The following RABGAP1L variants were observed in gnomAD, a reference collection of about 807,000 sequenced individuals.
RABGAP1L encodes the protein rab GTPase-activating protein 1-like.
A neutral mutation model predicts 137.7 loss-of-function variants in RABGAP1L; 63 were observed. The ratio of observed to expected loss-of-function variants is 0.46; its 90% CI spans 0.37 to 0.56. The LOEUF is 0.56. RABGAP1L is among the 20% of genes least tolerant of loss of function. RABGAP1L has a pLI of 0.00. For missense variants in RABGAP1L, 1,095 were observed against 1,244.0 expected, an observed-to-expected ratio of 0.88 and a Z score of 1.80; for synonymous variants, 431 against 433.7, an observed-to-expected ratio of 0.99 and a Z score of 0.08.
intron 13 of RABGAP1L, among the ~76,000 whole-genome samples, chr1:174,524,475 C>T (rs538956007): frequency 5.9e-5 from 9 of 152,090 alleles, no homozygotes; most frequent in African/African-American, 1.9e-4. Context: ...CTATTTGTGT[C>T]ATTTGCCCAC....
intron 13 of RABGAP1L, among the ~76,000 whole-genome samples, chr1:174,525,379 T>C (rs1293803763): frequency 2.0e-5 from 3 of 152,182 alleles, no homozygotes; most frequent in Non-Finnish European, 4.4e-5. Context: ...AATGTATTCC[T>C]AAGTATTTTA....
At chr1:174,275,726 C>A in intron 8 of RABGAP1L, 107 bp from the exon 9 acceptor site, 1 of 719,616 alleles carries the variant, frequency 1.4e-6, no homozygotes, top group Non-Finnish European at 2.2e-6. Flanking sequence ...TCCTGCTTGA[C>A]TGTTAATCTA....
intron 14 of RABGAP1L, among the ~76,000 whole-genome samples, chr1:174,656,311 A>T (rs1030256058): frequency 1.3e-5 from 2 of 152,120 alleles, no homozygotes; most frequent in Admixed American, 6.5e-5. Context: ...TACAAAAATT[A>T]TCCAGGCATA....
At chr1:174,377,794 T>A (rs1685691691) in intron 12 of RABGAP1L, among the ~76,000 whole-genome samples, 1 of 151,680 alleles carries the variant, frequency 6.6e-6, no homozygotes, top group South Asian at 2.1e-4. Flanking sequence ...TATTATTATT[T>A]TTTATTATAC....
chr1:174,758,362 CT>C (rs1464962030), intron 18 of RABGAP1L, among the ~76,000 whole-genome samples: 1 of 151,968 alleles, frequency 6.6e-6, no homozygotes, highest in Non-Finnish European at 1.5e-5. Flanking sequence ...TTGCTTCTCC[CT>C]TGTTGATCTT....
At chr1:174,457,986 G>A (rs1008666463) in intron 13 of RABGAP1L, among the ~76,000 whole-genome samples, 2 of 152,082 alleles carry the variant, frequency 1.3e-5, no homozygotes, top group South Asian at 2.1e-4. Flanking sequence ...TTTCATTTAA[G>A]TATTTATCAG....
intron 18 of RABGAP1L, 109 bp from the exon 19 acceptor site, chr1:174,811,723 A>T (rs1456266723): frequency 8.9e-7 from 1 of 1,125,514 alleles, no homozygotes; most frequent in Non-Finnish European, 1.2e-6. Flanking sequence ...GAACTAACTT[A>T]GATCTTAGCT....
chr1:174,337,932 GT>G (rs1681623084), intron 11 of RABGAP1L, among the ~76,000 whole-genome samples: 1 of 152,148 alleles, frequency 6.6e-6, no homozygotes, highest in Admixed American at 6.6e-5. Flanking sequence ...GGAATAAACA[GT>G]TTAAATCATT....
At chr1:174,391,472 A>G (rs1230155668) in intron 12 of RABGAP1L, among the ~76,000 whole-genome samples, 1 of 151,794 alleles carries the variant, frequency 6.6e-6, no homozygotes, top group Non-Finnish European at 1.5e-5. Flanking sequence ...ACATGCCACC[A>G]TGGCCGGCTA....
intron 6 of RABGAP1L, 64 bp downstream of exon 6, chr1:174,250,696 A>G: frequency 1.4e-6 from 2 of 1,447,176 alleles, no homozygotes; most frequent in Non-Finnish European, 1.9e-6. Flanking sequence ...GCGCATATAA[A>G]GTTTCAAGAA....
chr1:174,894,745 GT>G (rs1387067018), intron 19 of RABGAP1L, among the ~76,000 whole-genome samples: 2 of 67,942 alleles, frequency 2.9e-5, no homozygotes, highest in African/African-American at 4.3e-4. Context: ...TTGTTTGTTT[GT>G]TTTGTTTTGT....
intron 1 of RABGAP1L, among the ~76,000 whole-genome samples, chr1:174,173,315 A>C (rs2148244874): frequency 6.6e-6 from 1 of 151,868 alleles, no homozygotes; most frequent in South Asian, 2.1e-4. Context: ...TTTTTAGTAG[A>C]GATGGCGTTT....
intron 19 of RABGAP1L, among the ~76,000 whole-genome samples, chr1:174,819,072 A>C (rs1020019044): frequency 4.0e-5 from 6 of 149,964 alleles, no homozygotes; most frequent in African/African-American, 1.5e-4. Flanking sequence ...AGTCCTAGCT[A>C]CTTGATTGGC....
chr1:174,725,726 G>C (rs991686955), intron 17 of RABGAP1L, among the ~76,000 whole-genome samples: 1 of 152,024 alleles, frequency 6.6e-6, no homozygotes, highest in East Asian at 1.9e-4. Context: ...GGAAGGGCTC[G>C]TTTATACTGT....
intron 13 of RABGAP1L, among the ~76,000 whole-genome samples, chr1:174,585,777 G>A (rs1343476521): frequency 1.3e-5 from 2 of 152,204 alleles, no homozygotes; most frequent in African/African-American, 2.4e-5. Flanking sequence ...AGCCTTGGGA[G>A]CTATACTCCT....
rs994975026 is a variant in RABGAP1L at position 174,433,129 on chromosome 1, G to A, written c.1710+38984G>A. Among the ~76,000 whole-genome samples the A allele has an allele frequency of 1.1e-4, 17 of 152,232 alleles. No homozygotes were observed. The East Asian group carries it at 3.3e-3, about 29-fold the overall frequency. On this transcript the variant is annotated intron_variant, in intron 13 of 25. Transcript: ENST00000681986. ...TATTATCTCCATTTTAAAGATAGAA[G>A]CTGAGATACATGGAGAGAAAGATAT...
At chr1:174,955,938 T>A (rs1236070199) in intron 19 of RABGAP1L, among the ~76,000 whole-genome samples, 2 of 151,994 alleles carry the variant, frequency 1.3e-5, no homozygotes, top group Non-Finnish European at 2.9e-5. Context: ...AATAAAATAA[T>A]ATAAGTAAGG....
intron 13 of RABGAP1L, chr1:174,449,057 A>G: frequency 1.2e-6 from 2 of 1,614,080 alleles, no homozygotes; most frequent in Non-Finnish European, 1.7e-6. Flanking sequence ...TAACTGTGTA[A>G]TATACAGCCT....
chr1:174,385,925 G>A (rs1446715303), intron 12 of RABGAP1L, among the ~76,000 whole-genome samples: 1 of 152,186 alleles, frequency 6.6e-6, no homozygotes, highest in Non-Finnish European at 1.5e-5. Flanking sequence ...TAGGAAACGA[G>A]GACACATTAG....
Sources: allele counts gnomAD v4.1 joint callset (sites outside exome capture counted in the v4.1 genomes callset), GRCh38; gene constraint gnomAD v4.1.1; transcripts MANE v1.5; gene names NCBI Gene and HGNC (gene_info 2026-07-23, HGNC 2026-07-21).